The following PCSK2 variants were observed in gnomAD, a reference collection of about 807,000 sequenced individuals.
PCSK2 encodes the protein neuroendocrine convertase 2.
In PCSK2, 14 loss-of-function variants were observed where a neutral mutation model predicts 69.7. The ratio of observed to expected loss-of-function variants is 0.20; its 90% CI spans 0.13 to 0.31. PCSK2 has a LOEUF of 0.31. Among genes scored for constraint, PCSK2 ranks in the 10% least tolerant of loss-of-function variants. The probability of loss-of-function intolerance (pLI) is 1.00; values close to 1 mark genes in which losing one functional copy is unlikely to be tolerated. For missense variants in PCSK2, 544 were observed against 842.5 expected (o/e 0.65, Z 4.39); for synonymous variants, 307 against 320.7 (o/e 0.96, Z 0.46).
intron 2 of PCSK2, among the ~76,000 whole-genome samples, chr20:17,339,508 T>G (rs964794634): frequency 7.0e-4 from 107 of 152,060 alleles, no homozygotes; most frequent in Non-Finnish European, 3.7e-4. Context: ...TGGTTGTTTT[T>G]GTTGTTGTTG....
intron 5 of PCSK2, among the ~76,000 whole-genome samples, chr20:17,379,757 G>A (rs1194386188): frequency 6.6e-6 from 1 of 152,206 alleles, no homozygotes; most frequent in Non-Finnish European, 1.5e-5. Flanking sequence ...CAGAGTTAGA[G>A]ATTTTTTTCA....
At position 17,360,580 on chromosome 20, in the gene PCSK2, G is replaced by A. The variant is rs1375065174; in HGVS notation, c.445G>A (p.Ala149Thr). The A allele has an allele frequency of 1.2e-6, 2 of 1,613,170 alleles. No individual in the cohort carries two copies. The highest frequency in any genetic ancestry group is 1.7e-6 in the Non-Finnish European group (2 of 1,179,472). ...DGTPGLDLNV[A>T]EAWELGYTGK... ...CACTCCTGGCCTTGATTTGAATGTGGCTGAAGCCTGGGAGCTGGGATACAC... is the reference window on the plus strand; with the variant it reads ...CACTCCTGGCCTTGATTTGAATGTGACTGAAGCCTGGGAGCTGGGATACAC... Residue 149 changes from alanine (A) to threonine (T), a missense_variant, in exon 4 of 12, where the codon GCT (alanine) becomes ACT (threonine). By Grantham distance (58) the Ala-to-Thr change is moderately conservative. Coordinates refer to ENST00000262545, the MANE Select transcript of PCSK2 (RefSeq NM_002594.5).
chr20:17,266,234 A>G (rs953487227), intron 2 of PCSK2, among the ~76,000 whole-genome samples: 5 of 152,210 alleles, frequency 3.3e-5, no homozygotes, highest in Admixed American at 6.5e-5. Context: ...CCTTGAACTG[A>G]AGGCAGCTGA....
At chr20:17,473,247 CCAT>C (rs1246567410) in intron 11 of PCSK2, among the ~76,000 whole-genome samples, 2 of 152,106 alleles carry the variant, frequency 1.3e-5, no homozygotes, top group Non-Finnish European at 2.9e-5. Context: ...GTACACACCA[CCAT>C]GCCTGACTAA....
chr20:17,270,088 T>G (rs973097539), intron 2 of PCSK2, among the ~76,000 whole-genome samples: 48 of 152,154 alleles, frequency 3.2e-4, no homozygotes, highest in African/African-American at 1.1e-3. Context: ...AGTTCCTTAA[T>G]GGTGACATAA....
At chr20:17,389,917 T>A (rs529110434) in intron 5 of PCSK2, among the ~76,000 whole-genome samples, 3 of 152,302 alleles carry the variant, frequency 2.0e-5, no homozygotes, top group South Asian at 4.1e-4. Flanking sequence ...CTCCTAAGTA[T>A]GTACTCAAGA....
chr20:17,259,232 G>C (rs1190189917), intron 1 of PCSK2, among the ~76,000 whole-genome samples: 2 of 152,082 alleles, frequency 1.3e-5, no homozygotes, highest in East Asian at 3.9e-4. Context: ...GGACTCTTTT[G>C]AGAATCTGAT....
At chr20:17,258,342 C>T (rs1242912842) in intron 1 of PCSK2, among the ~76,000 whole-genome samples, 1 of 152,162 alleles carries the variant, frequency 6.6e-6, no homozygotes, top group Non-Finnish European at 1.5e-5. Flanking sequence ...TTGTCAATTT[C>T]CTGTGTTCTG....
At chr20:17,389,452 G>A (rs1254372457) in intron 5 of PCSK2, among the ~76,000 whole-genome samples, 1 of 151,960 alleles carries the variant, frequency 6.6e-6, no homozygotes, top group Non-Finnish European at 1.5e-5. Context: ...AGAGAGAAAG[G>A]GAGATCTCTC....
At chr20:17,461,327 G>A (rs1308801840) in intron 10 of PCSK2, among the ~76,000 whole-genome samples, 1 of 152,050 alleles carries the variant, frequency 6.6e-6, no homozygotes, top group Non-Finnish European at 1.5e-5. Flanking sequence ...TCCAACCTTT[G>A]AAATTATTTT....
chr20:17,411,390 G>A (rs929318280), intron 6 of PCSK2, among the ~76,000 whole-genome samples: 3 of 152,214 alleles, frequency 2.0e-5, no homozygotes, highest in Non-Finnish European at 2.9e-5. Flanking sequence ...CCATGTCTGG[G>A]TTGGCAGGTC....
At chr20:17,454,628 A>G (rs575733306) in intron 9 of PCSK2, among the ~76,000 whole-genome samples, 5 of 152,376 alleles carry the variant, frequency 3.3e-5, no homozygotes, top group African/African-American at 7.2e-5. Flanking sequence ...TCTGTAAAGC[A>G]TAATAAGCTT....
upstream of PCSK2, chr20:17,226,519 T>C (rs557817913): frequency 4.0e-4 from 53 of 133,024 alleles, no homozygotes; most frequent in African/African-American, 1.6e-3. Context: ...GTGTGTGTGT[T>C]TGAGAGAGAG....
rs2031819944 is a variant in PCSK2 at position 17,409,266 on chromosome 20, G to T, written c.547G>T (p.Ala183Ser). The change falls in exon 6 of 12, where the codon GCC becomes TCC. Residue 183 changes from alanine (A) to serine (S), a missense_variant. Around this residue, in one of 3 missense-constraint regions of PCSK2, gnomAD observed 187 missense variants for 399.8 expected, o/e 0.47. Transcript: ENST00000262545. ...TGAGATGCCTTGTGTTTTTCAGAATGCCGAAGCAAGTTACGACTTCAGCAG... is the reference window on the plus strand; with the variant it reads ...TGAGATGCCTTGTGTTTTTCAGAATTCCGAAGCAAGTTACGACTTCAGCAG... ...LHPDLASNYN[A>S]EASYDFSSND... The T allele has an allele frequency of 1.2e-6, 2 of 1,613,694 alleles. No individual in the cohort carries two copies. Among genetic ancestry groups the T allele is most frequent in the Non-Finnish European group, 1.7e-6 (2 of 1,179,620 alleles).
intron 2 of PCSK2, among the ~76,000 whole-genome samples, chr20:17,299,091 A>G (rs1383895323): frequency 6.6e-6 from 1 of 152,126 alleles, no homozygotes; most frequent in Non-Finnish European, 1.5e-5. Context: ...TTTTTTTAAA[A>G]TTTACCTCAC....
At chr20:17,457,446 C>T (rs2032942321) in intron 10 of PCSK2, among the ~76,000 whole-genome samples, 1 of 152,198 alleles carries the variant, frequency 6.6e-6, no homozygotes. Context: ...CAACCCTCTA[C>T]CTTCACAAGA....
chr20:17,414,071 G>A (rs912782520), intron 6 of PCSK2, among the ~76,000 whole-genome samples: 5 of 152,130 alleles, frequency 3.3e-5, no homozygotes, highest in African/African-American at 1.2e-4. Context: ...ATGCCCACAA[G>A]AGAAAGCAGG....
intron 10 of PCSK2, among the ~76,000 whole-genome samples, chr20:17,461,513 G>A (rs969292036): frequency 1.3e-5 from 2 of 152,190 alleles, no homozygotes; most frequent in African/African-American, 4.8e-5. Context: ...GATCCAACAA[G>A]TAAAGGGATT....
Position 17,311,923 on chromosome 20 carries a change from A to C in PCSK2, c.283-46404A>C, listed in dbSNP as rs150719145. Among the ~76,000 whole-genome samples the C allele has an allele frequency of 5.0e-3, 755 of 152,228 alleles. 6 individuals are homozygous for C. The highest frequency in any genetic ancestry group is 0.023 in the East Asian group (121 of 5,180). ...CAGCTTGCTCTAAAGATCTGTAGGG[A>C]TAGTATTTCTCTCTCTCCCTCATTC... On this transcript the variant is annotated intron_variant, in intron 2 of 11. Transcript: ENST00000262545.
Sources: gnomAD v4.1 joint callset for allele counts (sites outside exome capture counted in the v4.1 genomes callset) on GRCh38, gnomAD v4.1.1 for gene constraint, gnomAD v4.1.1 regional missense constraint, MANE v1.5 for transcripts, NCBI Gene and HGNC (gene_info 2026-07-23, HGNC 2026-07-21) for gene names.